The following ZBTB49 variants were observed in gnomAD, a reference collection of about 807,000 sequenced individuals.
ZBTB49 encodes zinc finger and BTB domain containing 49, also known as zinc finger and BTB domain-containing protein 49.
ZBTB49 carries 43 observed loss-of-function variants against 57.5 expected under a neutral mutation model. The observed-to-expected ratio is 0.75, with a 90% CI of 0.59 to 0.97. The LOEUF (loss-of-function observed/expected upper bound fraction) is 0.97. Among genes scored for constraint, ZBTB49 ranks in the 50% least tolerant of loss-of-function variants. The pLI is 0.00. For synonymous variants in ZBTB49, 369 were observed against 362.1 expected, an observed-to-expected ratio of 1.02 and a Z score of -0.22; for missense variants, 938 against 947.7, an observed-to-expected ratio of 0.99 and a Z score of 0.13.
chr4:4,294,320 G>T (rs1435063023), intron 1 of ZBTB49, among the ~76,000 whole-genome samples: 1 of 152,026 alleles, frequency 6.6e-6, no homozygotes, highest in Non-Finnish European at 1.5e-5. Context: ...TTGACATCAT[G>T]AAGTAATTTA....
At chr4:4,296,377 C>G (rs912237264) in intron 1 of ZBTB49, among the ~76,000 whole-genome samples, 1 of 152,194 alleles carries the variant, frequency 6.6e-6, no homozygotes, top group Non-Finnish European at 1.5e-5. Context: ...ATGGGAGGAA[C>G]CTGGTGGGAG....
chr4:4,303,006 G>T lies in ZBTB49; in HGVS notation c.1170G>T (p.Gln390His). 1.2e-6 allele frequency: 2 copies of T among 1,614,230 alleles called. No individual in the cohort carries two copies. Among genetic ancestry groups the T allele is most frequent in the Non-Finnish European group, 1.7e-6 (2 of 1,180,046 alleles). The change falls in exon 3 of 8, where the codon CAG becomes CAT. Residue 390 changes from glutamine to histidine, a missense_variant. By Grantham distance (24) the Gln-to-His change is conservative. Transcript: ENST00000337872. ...AALEDQSQTL[Q>H]SQRQYACELC... is the part of the protein sequence containing the mutation. The stretch of plus-strand genomic sequence containing the variant: ...TGGAAGACCAGTCCCAGACACTTCA[G>T]TCCCAGAGACAATACGCGTGTGAAT...
At chr4:4,314,876 G>C (rs939956549) in intron 5 of ZBTB49, among the ~76,000 whole-genome samples, 1 of 152,226 alleles carries the variant, frequency 6.6e-6, no homozygotes, top group African/African-American at 2.4e-5. Flanking sequence ...CTGCCTGGCA[G>C]TGTTGTGGAA....
intron 7 of ZBTB49, among the ~76,000 whole-genome samples, chr4:4,317,491 C>T (rs922941594): frequency 1.3e-5 from 2 of 152,090 alleles, no homozygotes; most frequent in African/African-American, 4.8e-5. Context: ...ACCCCCTTCC[C>T]AGCCCTGGCC....
intron 7 of ZBTB49, among the ~76,000 whole-genome samples, chr4:4,316,411 T>G (rs1721198976): frequency 6.6e-6 from 1 of 152,148 alleles, no homozygotes; most frequent in Admixed American, 6.5e-5. Context: ...GATGCTTCGT[T>G]TGAGAGCGGA....
rs376200128 is a variant in ZBTB49, at chr4:4,320,358, TCTC to T, written c.1622-278_1622-276del. 1.8e-4 allele frequency among the ~76,000 whole-genome samples: 27 copies of T among 152,120 alleles called. No homozygotes were observed. In the South Asian group the frequency reaches 5.6e-3, roughly 32 times the overall value. ...GAGCAGAAGCTGTGAGGTGACCCCC[TCTC>T]CTCAGATCAGGGTTGTTCAGTGTCT... is the stretch of plus-strand genomic sequence containing the variant. On this transcript the variant is annotated intron_variant, in intron 7 of 7. Coordinates refer to ENST00000337872, the MANE Select transcript of ZBTB49 (RefSeq NM_145291.4).
At chr4:4,308,164 G>A (rs1467281033) in intron 4 of ZBTB49, among the ~76,000 whole-genome samples, 1 of 152,146 alleles carries the variant, frequency 6.6e-6, no homozygotes, top group Non-Finnish European at 1.5e-5. Context: ...TGCAACCTCT[G>A]CCTCCCAGGT....
chr4:4,320,729 T>G lies in ZBTB49; in HGVS notation c.1711T>G (p.Cys571Gly). Residue 571 changes from cysteine to glycine, a missense_variant, in exon 8 of 8, where the codon TGC (cysteine) becomes GGC (glycine). This residue lies in a region of ZBTB49 where 835 missense variants were observed against 819.1 expected (regional missense o/e 1.02). Coordinates refer to ENST00000337872, the MANE Select transcript of ZBTB49 (RefSeq NM_145291.4). ...KPYTCEICNK[C>G]FTRSAVLRRH... ...GTACACATGTGAGATCTGTAACAAG[T>G]GCTTTACCCGCTCTGCGGTGCTCCG... 6.2e-7 allele frequency: 1 copy of G among 1,614,212 alleles called. No homozygotes were observed. Among genetic ancestry groups the G allele is most frequent in the Non-Finnish European group, 8.5e-7 (1 of 1,180,048 alleles).
rs912548910 is a variant in ZBTB49 at position 4,313,222 on chromosome 4, G to T, written c.1376+108G>T. ...TGGCTCACAGATGAGCCACAGGTGGGCTCACCCTGCCACTGCAGAACACAG... is the reference window on the plus strand; with the variant it reads ...TGGCTCACAGATGAGCCACAGGTGGTCTCACCCTGCCACTGCAGAACACAG... On this transcript the variant is annotated intron_variant, in intron 5 of 7. Transcript: ENST00000337872. The T allele has an allele frequency of 4.4e-5, 54 of 1,236,976 alleles. No homozygotes were observed. The African/African-American group carries it at 7.1e-4, about 16-fold the overall frequency. The allele number at this position is 1,236,976 out of a possible 1,614,324, so 76.6% of individuals were successfully genotyped here.
intron 1 of ZBTB49, among the ~76,000 whole-genome samples, chr4:4,298,650 G>A (rs1044422114): frequency 5.3e-5 from 8 of 152,024 alleles, no homozygotes; most frequent in East Asian, 1.9e-4. Flanking sequence ...GACTGATCTC[G>A]AACTCCTGGA....
At chr4:4,304,880 A>G (rs1025990229) in intron 3 of ZBTB49, among the ~76,000 whole-genome samples, 1 of 152,124 alleles carries the variant, frequency 6.6e-6, no homozygotes, top group East Asian at 1.9e-4. Flanking sequence ...TTTCATTTCC[A>G]GTATGGTAGA....
chr4:4,307,303 T>C (rs535553395), intron 4 of ZBTB49, among the ~76,000 whole-genome samples: 1 of 152,222 alleles, frequency 6.6e-6, no homozygotes, highest in African/African-American at 2.4e-5. Flanking sequence ...CTGAGCTGAG[T>C]GCTCGTCCCT....
At chr4:4,305,511 A>G (rs575270412) in intron 3 of ZBTB49, among the ~76,000 whole-genome samples, 2 of 152,328 alleles carry the variant, frequency 1.3e-5, no homozygotes, top group Admixed American at 1.3e-4. Flanking sequence ...TTTGTAGTAG[A>G]GTACCATTCT....
intron 1 of ZBTB49, among the ~76,000 whole-genome samples, chr4:4,291,045 GCA>G (rs969688408): frequency 6.6e-6 from 1 of 152,228 alleles, no homozygotes; most frequent in Non-Finnish European, 1.5e-5. Flanking sequence ...AGTGGAGGAT[GCA>G]CAGAGTATTG....
chr4:4,292,751 G>T (rs1720005306), intron 1 of ZBTB49, among the ~76,000 whole-genome samples: 1 of 152,158 alleles, frequency 6.6e-6, no homozygotes, highest in South Asian at 2.1e-4. Flanking sequence ...TGAACTGTGG[G>T]CCCTTGGAGA....
rs76037314 is a variant in ZBTB49 at position 4,302,457 on chromosome 4, C to A, written c.621C>A (p.Phe207Leu). 1 of 1,614,208 alleles carries A rather than the reference C, an allele frequency of 6.2e-7. No homozygotes were observed. Among genetic ancestry groups the A allele is most frequent in the South Asian group, 1.1e-5 (1 of 91,068 alleles). The stretch of plus-strand genomic sequence containing the variant: ...ATGGCAGCTGCACAGAACTGCCTTT[C>A]AAACAGCCAAATTACTATTACAAAC... ...TSDGSCTELP[F>L]KQPNYYYKLR... Residue 207 changes from phenylalanine to leucine, a missense_variant, in exon 3 of 8, where the codon TTC (phenylalanine) becomes TTA (leucine). Physicochemically the swap from Phe to Leu is conservative, Grantham distance 22. Transcript: ENST00000337872.
intron 2 of ZBTB49, among the ~76,000 whole-genome samples, chr4:4,300,916 A>C (rs1277323706): frequency 6.6e-6 from 1 of 151,804 alleles, no homozygotes; most frequent in Non-Finnish European, 1.5e-5. Context: ...ATACCGTTTT[A>C]CTGCTCTAGT....
In ZBTB49 at chr4:4,308,385, G is replaced by A; in HGVS notation, c.1302+2201G>A. Among the ~76,000 whole-genome samples the A allele has an allele frequency of 1.3e-5, 2 of 152,166 alleles. 1 individual carries two copies. The highest frequency in any genetic ancestry group is 2.9e-5 in the Non-Finnish European group (2 of 68,040). ...AGCCACCGTGCCCAGCCACGTATCA[G>A]TATTTTTAAAAATTCAGCAATTTTG... On this transcript the variant is annotated intron_variant, in intron 4 of 7. Transcript: ENST00000337872.
At chr4:4,295,348 A>G (rs757257398) in intron 1 of ZBTB49, among the ~76,000 whole-genome samples, 1 of 152,132 alleles carries the variant, frequency 6.6e-6, no homozygotes, top group Non-Finnish European at 1.5e-5. Flanking sequence ...CATCAGATCT[A>G]CTGAGAACTC....
Sources: gnomAD v4.1 joint callset for allele counts (sites outside exome capture counted in the v4.1 genomes callset) on GRCh38, gnomAD v4.1.1 for gene constraint, gnomAD v4.1.1 regional missense constraint, MANE v1.5 for transcripts, NCBI Gene and HGNC (gene_info 2026-07-23, HGNC 2026-07-21) for gene names.